SLC2A9: variants seen among roughly 807,000 people sequenced by gnomAD.
SLC2A9 encodes solute carrier family 2, facilitated glucose transporter member 9.
A neutral mutation model predicts 50.6 loss-of-function variants in SLC2A9; 39 were observed. The ratio of observed to expected loss-of-function variants is 0.77; its 90% CI spans 0.60 to 1.01. SLC2A9 has a LOEUF of 1.01. SLC2A9 is among the 50% of genes least tolerant of loss of function. The pLI is 0.00. For missense variants in SLC2A9, 686 were observed against 677.6 expected (o/e 1.01, Z -0.14); for synonymous variants, 324 against 276.9 (o/e 1.17, Z -1.69).
intron 6 of SLC2A9, among the ~76,000 whole-genome samples, chr4:9,934,180 C>T (rs1432370235): frequency 2.0e-5 from 3 of 152,192 alleles, no homozygotes; most frequent in Admixed American, 2.0e-4. Context: ...ATAAGAGGAA[C>T]TCAAACAAAG....
At chr4:9,794,473 C>T (rs1720348023), downstream of SLC2A9, among the ~76,000 whole-genome samples, 1 of 152,110 alleles carries the variant, frequency 6.6e-6, no homozygotes, top group Non-Finnish European at 1.5e-5. Flanking sequence ...TTTATAGCAG[C>T]CCTGTAAGGA....
downstream of SLC2A9, among the ~76,000 whole-genome samples, chr4:9,821,931 TTATC>T (rs1441566676): frequency 1.3e-5 from 2 of 152,240 alleles, no homozygotes; most frequent in African/African-American, 4.8e-5. Flanking sequence ...ACTATTCAGG[TTATC>T]TATTTTTTCT....
chr4:10,011,930 T>C (rs1314623292), intron 2 of SLC2A9, among the ~76,000 whole-genome samples: 2 of 152,214 alleles, frequency 1.3e-5, no homozygotes, highest in African/African-American at 4.8e-5. Flanking sequence ...AAGAGCCTCC[T>C]CCCTTTTCTA....
chr4:9,820,087 GT>G (rs1261472622), intron 3 of SLC2A9, among the ~76,000 whole-genome samples: 1 of 152,224 alleles, frequency 6.6e-6, no homozygotes, highest in African/African-American at 2.4e-5. Context: ...TTTCTCCTAA[GT>G]TTTTTTCTAA....
At position 10,019,249 on chromosome 4, in the gene SLC2A9, G is replaced by A. The variant is rs1032717369; in HGVS notation, c.151-176C>T. On this transcript the variant is annotated intron_variant, in intron 1 of 11. Coordinates refer to ENST00000264784, the MANE Select transcript of SLC2A9 (RefSeq NM_020041.3). Reference sequence around the variant, plus strand: ...TTGGGGACCTGCAAGTAGGGTTCCAGTCCAGGTCCGCGTGCGCAGGCCGGG... The same window carrying A: ...TTGGGGACCTGCAAGTAGGGTTCCAATCCAGGTCCGCGTGCGCAGGCCGGG... 4.6e-5 allele frequency: 28 copies of A among 612,100 alleles called. No individual in the cohort carries two copies. In the Admixed American group the frequency reaches 4.9e-4, roughly 11 times the overall value. The allele number at this position is 612,100 out of a possible 1,614,324, so 37.9% of individuals were successfully genotyped here.
At chr4:9,778,599 G>T (rs1717888628), downstream of SLC2A9, among the ~76,000 whole-genome samples, 1 of 152,016 alleles carries the variant, frequency 6.6e-6, no homozygotes. Context: ...TCTTTATTGG[G>T]AAGACAAGCA....
At position 9,826,318 on chromosome 4, in the gene SLC2A9, A is replaced by T. The variant is rs1321418817; in HGVS notation, c.*79T>A. On this transcript the variant is annotated 3_prime_UTR_variant, in exon 12 of 12. Transcript: ENST00000264784. ...AGCTTCCCAATAATGGGTAAATTTT[A>T]AGTTTCCTGAAAAGTGAGATCATCC... The T allele has an allele frequency of 4.2e-6, 6 of 1,444,110 alleles. No homozygotes were observed. Among genetic ancestry groups the T allele is most frequent in the Non-Finnish European group, 4.9e-6 (5 of 1,026,270 alleles). 89.5% of individuals were successfully genotyped at this position (1,444,110 alleles called of 1,614,324 possible).
rs1368470329 is a variant in SLC2A9 at position 10,019,038 on chromosome 4, C to T, written c.186G>A (p.Ala62=). ...WSCSLLVASL[A]GAFGSSFLYG... ...AGAGGAAGGAGGAGCCGAAGGCGCC[C>T]GCGAGGGAGGCCACGAGGAGCGAGC... Residue 62 remains alanine (A), a synonymous_variant, in exon 2 of 12, where the codon GCG becomes GCA. Transcript: ENST00000264784. 1.3e-6 allele frequency: 2 copies of T among 1,550,952 alleles called. No homozygotes were observed. Among genetic ancestry groups the T allele is most frequent in the South Asian group, 1.2e-5 (1 of 84,032 alleles).
intron 5 of SLC2A9, among the ~76,000 whole-genome samples, chr4:9,948,835 T>C (rs1217325013): frequency 6.6e-6 from 1 of 152,198 alleles, no homozygotes; most frequent in Non-Finnish European, 1.5e-5. Flanking sequence ...CACATCTCCA[T>C]CTCAGGGTCT....
intron 3 of SLC2A9, among the ~76,000 whole-genome samples, chr4:9,794,033 T>C (rs1262923834): frequency 6.6e-6 from 1 of 152,180 alleles, no homozygotes; most frequent in African/African-American, 2.4e-5. Context: ...GGTTCTCTCA[T>C]CTCTAATAAT....
intron 5 of SLC2A9, among the ~76,000 whole-genome samples, chr4:9,974,922 A>G (rs143651246): frequency 1.1e-3 from 167 of 152,338 alleles, no homozygotes; most frequent in Non-Finnish European, 1.9e-3. Flanking sequence ...GACAAATGAA[A>G]CAGAATGGAG....
At chr4:9,862,160 T>A (rs1183550682) in intron 10 of SLC2A9, among the ~76,000 whole-genome samples, 6 of 150,768 alleles carry the variant, frequency 4.0e-5, no homozygotes, top group Non-Finnish European at 7.3e-5. Flanking sequence ...CAAGAGATAT[T>A]CTGCTCCCAC....
At chr4:9,848,936 T>C (rs776411156) in intron 10 of SLC2A9, among the ~76,000 whole-genome samples, 8 of 152,136 alleles carry the variant, frequency 5.3e-5, no homozygotes, top group Non-Finnish European at 1.2e-4. Flanking sequence ...TCTCCTGACC[T>C]TGTGATCCGC....
chr4:9,775,635 C>T (rs1018527029), downstream of SLC2A9, among the ~76,000 whole-genome samples: 1 of 151,790 alleles, frequency 6.6e-6, no homozygotes, highest in Non-Finnish European at 1.5e-5. Context: ...CATGTCCCTC[C>T]CCACACCCAC....
intron 3 of SLC2A9, among the ~76,000 whole-genome samples, chr4:9,991,662 T>C (rs55755350): frequency 1.1e-3 from 162 of 152,184 alleles, no homozygotes; most frequent in African/African-American, 3.8e-3. Context: ...ATAATTAAAC[T>C]AAAATGAGGT....
rs76052512 is a variant in SLC2A9 at position 9,916,897 on chromosome 4, G to T, written c.1002+3488C>A. Reference sequence around the variant, plus strand: ...CCTTTTCTCCCCCAGACACTCAGGTGCCCACCATGTGGCATGGGCTGCTCT... The same window carrying T: ...CCTTTTCTCCCCCAGACACTCAGGTTCCCACCATGTGGCATGGGCTGCTCT... On this transcript the variant is annotated intron_variant, in intron 7 of 11. Transcript: ENST00000264784. Among the ~76,000 whole-genome samples, 214 of 152,310 alleles carry T rather than the reference G, an allele frequency of 1.4e-3. 4 individuals carry two copies. Among genetic ancestry groups the T allele is most frequent in the African/African-American group, 4.9e-3 (203 of 41,560 alleles).
At chr4:9,984,974 G>A (rs893881724) in intron 4 of SLC2A9, among the ~76,000 whole-genome samples, 5 of 152,150 alleles carry the variant, frequency 3.3e-5, no homozygotes, top group East Asian at 1.9e-4. Flanking sequence ...TTTCCCAGAC[G>A]TGCCATGCCT....
chr4:10,038,278 G>A lies in SLC2A9; in HGVS notation c.-41+1852C>T, dbSNP rs376206078. ...TCCCAGTGCTTTGAGAGGCCGAGGCGGGCGGATCACTTGAGGTCAAGGAGT... is the reference window on the plus strand; with the variant it reads ...TCCCAGTGCTTTGAGAGGCCGAGGCAGGCGGATCACTTGAGGTCAAGGAGT... On this transcript the variant is annotated intron_variant, in intron 1 of 12. Coordinates refer to the SLC2A9 transcript ENST00000309065. 5.9e-5 allele frequency among the ~76,000 whole-genome samples: 9 copies of A among 152,044 alleles called. 1 individual carries two copies. Among genetic ancestry groups the A allele is most frequent in the African/African-American group, 1.2e-4 (5 of 41,498 alleles).
Position 9,782,576 on chromosome 4 carries a change from G to A in SLC2A9, n.386-2511C>T, listed in dbSNP as rs746801776. 3 of 1,613,926 alleles carry A rather than the reference G, an allele frequency of 1.9e-6. No homozygotes were observed. In the Admixed American group the frequency reaches 5.0e-5, roughly 27 times the overall value. ...TCCGGTCCAGCTCAACTGGCACAGG[G>A]ACCAGGCGGCCTCTTGGGGCGGGCT... On this transcript the variant is annotated intron_variant and non_coding_transcript_variant, in intron 3 of 3. Coordinates refer to the SLC2A9 transcript ENST00000503803.
Sources: gnomAD v4.1 joint callset for allele counts (sites outside exome capture counted in the v4.1 genomes callset) on GRCh38, gnomAD v4.1.1 for gene constraint, MANE v1.5 for transcripts, NCBI Gene and HGNC (gene_info 2026-07-23, HGNC 2026-07-21) for gene names.